RBFOX3: variants seen among roughly 807,000 people sequenced by gnomAD.
RBFOX3 encodes RNA binding protein fox-1 homolog 3.
In RBFOX3, 17 loss-of-function variants were observed where a neutral mutation model predicts 48.7. The observed-to-expected ratio is 0.35, with a 90% confidence interval of 0.24 to 0.52. The LOEUF is 0.52. RBFOX3 is among the 20% of genes least tolerant of loss of function. RBFOX3 has a pLI of 0.94. For missense variants in RBFOX3, 382 were observed against 497.5 expected, an observed-to-expected ratio of 0.77 and a Z score of 2.21; for synonymous variants, 212 against 209.5, an observed-to-expected ratio of 1.01 and a Z score of -0.10.
chr17:79,347,562 T>G (rs2083121326), intron 2 of RBFOX3, among the ~76,000 whole-genome samples: 1 of 152,002 alleles, frequency 6.6e-6, no homozygotes. Context: ...TTTGTGCTTT[T>G]CCTTATTTTT....
intron 3 of RBFOX3, among the ~76,000 whole-genome samples, chr17:79,277,700 G>A (rs996977301): frequency 5.3e-5 from 8 of 152,204 alleles, no homozygotes; most frequent in Admixed American, 1.3e-4. Flanking sequence ...TCACTGTTGC[G>A]GGTGGAGGCT....
intron 2 of RBFOX3, among the ~76,000 whole-genome samples, chr17:79,389,572 C>CTTTAGTT (rs1328072671): frequency 6.6e-6 from 1 of 152,210 alleles, no homozygotes; most frequent in African/African-American, 2.4e-5. Flanking sequence ...CCCCACCCTG[C>CTTTAGTT]CTCGGCCTCA....
At chr17:79,140,102 C>T (rs1309067373) in intron 4 of RBFOX3, among the ~76,000 whole-genome samples, 1 of 152,220 alleles carries the variant, frequency 6.6e-6, no homozygotes, top group Admixed American at 6.5e-5. Flanking sequence ...GGGTAGCTCT[C>T]CCGCCCAGCA....
intron 2 of RBFOX3, among the ~76,000 whole-genome samples, chr17:79,456,064 T>C (rs1406118549): frequency 6.6e-6 from 1 of 151,916 alleles, no homozygotes; most frequent in South Asian, 2.1e-4. Context: ...GACATTGTAC[T>C]GACCAGGCCC....
intron 2 of RBFOX3, among the ~76,000 whole-genome samples, chr17:79,461,678 C>T (rs923574877): frequency 6.6e-6 from 1 of 152,168 alleles, no homozygotes; most frequent in South Asian, 2.1e-4. Context: ...TGACCTTATT[C>T]GGAAACAGGG....
chr17:79,108,954 C>A (rs2077965558), intron 5 of RBFOX3, among the ~76,000 whole-genome samples: 1 of 152,248 alleles, frequency 6.6e-6, no homozygotes, highest in South Asian at 2.1e-4. Context: ...CTGTCCCCTG[C>A]GTTGAACAGC....
rs560237466 is a variant in RBFOX3, at chr17:79,252,657, G to T, written c.-73-16852C>A. Among the ~76,000 whole-genome samples the T allele has an allele frequency of 1.3e-5, 2 of 152,198 alleles. No individual in the cohort carries two copies. Among genetic ancestry groups the T allele is most frequent in the Admixed American group, 6.5e-5 (1 of 15,274 alleles). Reference sequence around the variant, plus strand: ...CCACCCATCCAGCTCGTTTCAAGCCGCTACGTTTGTTTGCGACGGCGGCAC... The same window carrying T: ...CCACCCATCCAGCTCGTTTCAAGCCTCTACGTTTGTTTGCGACGGCGGCAC... On this transcript the variant is annotated intron_variant, in intron 3 of 14. Coordinates refer to ENST00000693108, the MANE Select transcript of RBFOX3 (RefSeq NM_001350451.2). The surrounding 1 kb of genome is among the most constrained non-coding windows in gnomAD (Gnocchi z 4.0).
At chr17:79,112,987 C>G (rs558794138) in intron 5 of RBFOX3, among the ~76,000 whole-genome samples, 3 of 150,762 alleles carry the variant, frequency 2.0e-5, no homozygotes, top group East Asian at 2.0e-4. Context: ...CACGGGCCCT[C>G]GAGTGCCCCG....
intron 2 of RBFOX3, among the ~76,000 whole-genome samples, chr17:79,407,256 C>T (rs2063670286): frequency 6.6e-6 from 1 of 152,260 alleles, no homozygotes; most frequent in African/African-American, 2.4e-5. Context: ...GATCCACCTG[C>T]CTCGGCCTCC....
chr17:79,656,992 C>G, the RBFOX3 span, among the ~76,000 whole-genome samples: 1 of 152,148 alleles, frequency 6.6e-6, no homozygotes, highest in East Asian at 1.9e-4. Flanking sequence ...TTGCTGACCT[C>G]TGTTCCTGTT....
intron 1 of RBFOX3, among the ~76,000 whole-genome samples, chr17:79,583,605 A>G (rs1163728794): frequency 6.6e-6 from 1 of 152,146 alleles, no homozygotes; most frequent in Non-Finnish European, 1.5e-5. Flanking sequence ...GGAGAGGGAG[A>G]GGAGGCACTC....
the RBFOX3 span, among the ~76,000 whole-genome samples, chr17:79,628,818 T>TC: frequency 2.0e-3 from 303 of 152,238 alleles, 1 homozygote; most frequent in African/African-American, 6.9e-3. Context: ...AAGGCAACTT[T>TC]CTTCTATTAT....
chr17:79,428,024 C>T (rs1555726493), intron 2 of RBFOX3, among the ~76,000 whole-genome samples: 1 of 152,250 alleles, frequency 6.6e-6, no homozygotes, highest in Admixed American at 6.5e-5. Context: ...CCCACACTCC[C>T]TCCTCCTGTA....
intron 2 of RBFOX3, among the ~76,000 whole-genome samples, chr17:79,345,711 C>T (rs2082796587): frequency 6.6e-6 from 1 of 152,032 alleles, no homozygotes; most frequent in Non-Finnish European, 1.5e-5. Context: ...ATTTTTGATA[C>T]TAATCTTTTG....
chr17:79,195,009 A>T lies in RBFOX3; in HGVS notation c.-34+40757T>A, dbSNP rs2055298536. 6.6e-6 allele frequency among the ~76,000 whole-genome samples: 1 copy of T among 152,102 alleles called. No homozygotes were observed. Among genetic ancestry groups the T allele is most frequent in the Admixed American group, 6.6e-5 (1 of 15,266 alleles). ...TTCTATTGGGCAGCTCTGGTCTAGAACATGGGCAGATGTCTTTCCGCTCAG... is the reference window on the plus strand; with the variant it reads ...TTCTATTGGGCAGCTCTGGTCTAGATCATGGGCAGATGTCTTTCCGCTCAG... On this transcript the variant is annotated intron_variant, in intron 4 of 14. Transcript: ENST00000693108. This position sits in a 1 kb window ranked among gnomAD's most constrained non-coding sequence, Gnocchi z 5.3.
chr17:79,187,239 A>G (rs7208724), intron 4 of RBFOX3, among the ~76,000 whole-genome samples: 89,612 of 152,008 alleles, frequency 0.59, 27,189 homozygotes, highest in African/African-American at 0.73. Flanking sequence ...TCATAGTAGA[A>G]AGGAAGCAAC....
chr17:79,347,731 A>G (rs2083147641), intron 2 of RBFOX3, among the ~76,000 whole-genome samples: 1 of 152,108 alleles, frequency 6.6e-6, no homozygotes, highest in African/African-American at 2.4e-5. Flanking sequence ...ATCTTATTTC[A>G]CATTGCTAAT....
Position 79,421,707 on chromosome 17 carries a change from A to G in RBFOX3, c.-175+60747T>C, listed in dbSNP as rs1464506834. Reference sequence around the variant, plus strand: ...CAAGATGACCATAGGACCAAGCAAGATGACGCAGGCCCCTGGCAAGCCTGA... The same window carrying G: ...CAAGATGACCATAGGACCAAGCAAGGTGACGCAGGCCCCTGGCAAGCCTGA... On this transcript the variant is annotated intron_variant, in intron 2 of 14. Coordinates refer to ENST00000693108, the MANE Select transcript of RBFOX3 (RefSeq NM_001350451.2). This position sits in a 1 kb window ranked among gnomAD's most constrained non-coding sequence, Gnocchi z 4.5. Among the ~76,000 whole-genome samples, 3 of 152,154 alleles carry G rather than the reference A, an allele frequency of 2.0e-5. No homozygotes were observed. Among genetic ancestry groups the G allele is most frequent in the Non-Finnish European group, 2.9e-5 (2 of 68,012 alleles).
intron 1 of RBFOX3, among the ~76,000 whole-genome samples, chr17:79,586,339 C>A (rs1009032566): frequency 7.9e-5 from 12 of 152,194 alleles, no homozygotes; most frequent in Non-Finnish European, 1.5e-4. Flanking sequence ...TCAAGTCCAG[C>A]GGCCTCCGCC....
Sources: gnomAD v4.1 joint callset for allele counts (sites outside exome capture counted in the v4.1 genomes callset) on GRCh38, gnomAD v4.1.1 for gene constraint, Gnocchi (gnomAD v3.1) non-coding constraint, MANE v1.5 for transcripts, NCBI Gene and HGNC (gene_info 2026-07-23, HGNC 2026-07-21) for gene names.